The following CLCN3 variants were observed in gnomAD, a reference collection of about 807,000 sequenced individuals.
CLCN3 encodes H(+)/Cl(-) exchange transporter 3.
CLCN3 carries 16 observed loss-of-function variants against 83.4 expected under a neutral mutation model. The ratio of observed to expected loss-of-function variants is 0.19; its 90% CI spans 0.13 to 0.29. The LOEUF is 0.29. Ranked by LOEUF, CLCN3 falls within the 10% of genes least tolerant of loss-of-function variation. The pLI is 1.00. For missense variants in CLCN3, 544 were observed against 1,006.0 expected, an observed-to-expected ratio of 0.54 and a Z score of 6.21; for synonymous variants, 322 against 346.2, an observed-to-expected ratio of 0.93 and a Z score of 0.78.
At position 169,690,548 on chromosome 4, in the gene CLCN3, A is replaced by G. The variant is rs1732328526; in HGVS notation, c.625A>G (p.Met209Val). Residue 209 changes from methionine to valine, a missense_variant, in exon 6 of 13, where the codon ATG becomes GTG. Met to Val is a conservative substitution (Grantham distance 21, BLOSUM62 1). Coordinates refer to ENST00000513761, the MANE Select transcript of CLCN3 (RefSeq NM_001829.4). ...TTTTTAGGGTCCTGGTTCTTATATCATGAACTACATAATGTACATCTTCTG... is the reference window on the plus strand; with the variant it reads ...TTTTTAGGGTCCTGGTTCTTATATCGTGAACTACATAATGTACATCTTCTG... ...GQAEGPGSYI[M>V]NYIMYIFWAL... The G allele has an allele frequency of 6.2e-7, 1 of 1,612,894 alleles. No individual in the cohort carries two copies. Among genetic ancestry groups the G allele is most frequent in the Admixed American group, 1.7e-5 (1 of 59,712 alleles).
intron 3 of CLCN3, among the ~76,000 whole-genome samples, chr4:169,685,194 G>A (rs1164430581): frequency 1.3e-5 from 2 of 151,960 alleles, no homozygotes; most frequent in Non-Finnish European, 2.9e-5. Context: ...TTCTTCTGTG[G>A]CATTATGTTA....
chr4:169,706,436 T>G (rs1732997620), intron 10 of CLCN3, among the ~76,000 whole-genome samples: 1 of 152,194 alleles, frequency 6.6e-6, no homozygotes, highest in Non-Finnish European at 1.5e-5. Flanking sequence ...ATTTATTATA[T>G]TAATATTCTA....
At chr4:169,637,497 A>G (rs569977621) in intron 2 of CLCN3, among the ~76,000 whole-genome samples, 1 of 152,234 alleles carries the variant, frequency 6.6e-6, no homozygotes, top group Non-Finnish European at 1.5e-5. Flanking sequence ...TACAATAAAA[A>G]TGGAAAAGAA....
At chr4:169,679,639 G>C (rs1405133982) in intron 2 of CLCN3, among the ~76,000 whole-genome samples, 1 of 152,186 alleles carries the variant, frequency 6.6e-6, no homozygotes, top group Non-Finnish European at 1.5e-5. Flanking sequence ...CTGCAATCCC[G>C]GCACCTTGGG....
At chr4:169,642,795 C>T (rs7434295) in intron 2 of CLCN3, 100,680 of 152,152 alleles carry the variant, frequency 0.66, 34,201 homozygotes, top group East Asian at 0.94. Context: ...AGTGCTGGGA[C>T]TACAGGCGTA....
At chr4:169,660,657 T>TCAGATCAC (rs1731024759) in intron 2 of CLCN3, among the ~76,000 whole-genome samples, 1 of 152,222 alleles carries the variant, frequency 6.6e-6, no homozygotes, top group African/African-American at 2.4e-5. Context: ...TAGTACTGCT[T>TCAGATCAC]CAGATCACGT....
chr4:169,623,540 T>G (rs1421602378), intron 1 of CLCN3, among the ~76,000 whole-genome samples: 1 of 152,212 alleles, frequency 6.6e-6, no homozygotes, highest in African/African-American at 2.4e-5. Context: ...AATTAACTTT[T>G]AGCAATTTTG....
At chr4:169,685,292 A>G (rs1025821275) in intron 3 of CLCN3, among the ~76,000 whole-genome samples, 5 of 152,192 alleles carry the variant, frequency 3.3e-5, no homozygotes, top group African/African-American at 4.8e-5. Context: ...TTATACATAT[A>G]TGAAGTATTT....
chr4:169,683,854 G>A (rs943106519), intron 3 of CLCN3, among the ~76,000 whole-genome samples: 5 of 151,228 alleles, frequency 3.3e-5, no homozygotes, highest in South Asian at 2.1e-4. Context: ...AGCAGCTCTC[G>A]TGCTTCAGCA....
At chr4:169,673,584 A>G (rs1241787750) in intron 2 of CLCN3, among the ~76,000 whole-genome samples, 3 of 152,098 alleles carry the variant, frequency 2.0e-5, no homozygotes, top group Non-Finnish European at 4.4e-5. Context: ...TTTTGCATAA[A>G]GAGTAACAAG....
At chr4:169,690,482 AGG>A in intron 5 of CLCN3, 46 bp from the exon 6 acceptor site, 1 of 1,579,484 alleles carries the variant, frequency 6.3e-7, no homozygotes, top group Non-Finnish European at 8.6e-7. Context: ...TTTGCATTAG[AGG>A]TGCAATGTAA....
chr4:169,682,826 C>T (rs1731998523), intron 3 of CLCN3, among the ~76,000 whole-genome samples: 1 of 152,082 alleles, frequency 6.6e-6, no homozygotes, highest in African/African-American at 2.4e-5. Context: ...TTGATTTTTG[C>T]TATGGAGTCA....
intron 2 of CLCN3, among the ~76,000 whole-genome samples, chr4:169,677,114 C>A (rs1731711300): frequency 6.6e-6 from 1 of 151,698 alleles, no homozygotes; most frequent in Non-Finnish European, 1.5e-5. Flanking sequence ...AGTATTTGAA[C>A]TTTATTTTGA....
chr4:169,683,651 T>G (rs1211533725), intron 3 of CLCN3, among the ~76,000 whole-genome samples: 1 of 152,194 alleles, frequency 6.6e-6, no homozygotes, highest in Admixed American at 6.5e-5. Flanking sequence ...AATCAAATAT[T>G]TTTCAATATT....
chr4:169,695,527 G>C, intron 7 of CLCN3, 85 bp from the exon 8 acceptor site: 1 of 976,826 alleles, frequency 1.0e-6, no homozygotes, highest in South Asian at 1.4e-5. Flanking sequence ...AAATCCATTT[G>C]GAAAATTCAA....
intron 6 of CLCN3, 114 bp downstream of exon 6, chr4:169,690,766 T>C (rs1248580497): frequency 1.1e-5 from 11 of 993,820 alleles, no homozygotes; most frequent in Non-Finnish European, 1.6e-5. Flanking sequence ...GTTCATAATA[T>C]GAAAAAAAAA....
chr4:169,669,867 C>G (rs1388672149), intron 2 of CLCN3, among the ~76,000 whole-genome samples: 1 of 152,104 alleles, frequency 6.6e-6, no homozygotes, highest in Non-Finnish European at 1.5e-5. Context: ...AAAGTTTTGA[C>G]TGTTATTAGT....
chr4:169,663,509 A>ATTT, intron 2 of CLCN3: 1 of 289,756 alleles, frequency 3.5e-6, no homozygotes, highest in Non-Finnish European at 6.8e-6. Flanking sequence ...TAAAAAACAA[A>ATTT]ATTTTTTTTT....
intron 12 of CLCN3, 76 bp downstream of exon 12, chr4:169,713,371 AG>A: frequency 8.4e-7 from 1 of 1,184,070 alleles, no homozygotes; most frequent in Non-Finnish European, 1.3e-6. Flanking sequence ...TATAGTTATT[AG>A]GGGAGCATGT....
Sources: allele counts gnomAD v4.1 joint callset (sites outside exome capture counted in the v4.1 genomes callset), GRCh38; gene constraint gnomAD v4.1.1; transcripts MANE v1.5; gene names NCBI Gene and HGNC (gene_info 2026-07-23, HGNC 2026-07-21).